The following BEST3 variants were observed in gnomAD, a reference collection of about 807,000 sequenced individuals.
BEST3 encodes the protein bestrophin 3.
In BEST3, 50 loss-of-function variants were observed where a neutral mutation model predicts 47.1. That is an observed-to-expected ratio of 1.06 (90% CI 0.85 to 1.34). BEST3 has a LOEUF of 1.34. BEST3 is among the 40% of genes most tolerant of loss of function. The pLI is 0.00. For missense variants in BEST3, 765 were observed against 817.0 expected, an observed-to-expected ratio of 0.94 and a Z score of 0.78; for synonymous variants, 282 against 298.8, an observed-to-expected ratio of 0.94 and a Z score of 0.58.
chr12:69,649,478 T>G (rs1316567957), downstream of BEST3, among the ~76,000 whole-genome samples: 1 of 152,260 alleles, frequency 6.6e-6, no homozygotes, highest in East Asian at 1.9e-4. Flanking sequence ...AAATGGTAAT[T>G]ACTTCACAGC....
In BEST3 at chr12:69,694,740, T is replaced by C. The variant is rs115612432; in HGVS notation, c.153-276A>G. 4.1e-3 allele frequency among the ~76,000 whole-genome samples: 626 copies of C among 152,306 alleles called. 3 individuals carry two copies. The highest frequency in any genetic ancestry group is 0.014 in the African/African-American group (594 of 41,576). ...TTTATATTTTAAAAGTTTTATATGA[T>C]TGATTCATTGGATTTAGAGCAAGGT... On this transcript the variant is annotated intron_variant, in intron 2 of 9. Transcript: ENST00000330891.
At position 69,655,608 on chromosome 12, in the gene BEST3, G is replaced by C; in HGVS notation, c.1306C>G (p.Leu436Val). 6.2e-7 allele frequency: 1 copy of C among 1,614,038 alleles called. No individual in the cohort carries two copies. The highest frequency in any genetic ancestry group is 8.5e-7 in the Non-Finnish European group (1 of 1,179,994). ...RDDLSPARDLLDVPSRNPPRA... is the reference protein window; with the variant it reads ...RDDLSPARDLVDVPSRNPPRA... ...GGGGGGTTTCTTGAGGGCACATCCA[G>C]TAGGTCCCTGGCTGGGCTGAGGTCA... Residue 436 changes from leucine (L) to valine (V), a missense_variant, in exon 10 of 10, where the codon CTG becomes GTG. Physicochemically the swap from Leu to Val is conservative, Grantham distance 32. Transcript: ENST00000330891.
chr12:69,675,676 G>A (rs1418309460), intron 7 of BEST3, among the ~76,000 whole-genome samples: 1 of 152,220 alleles, frequency 6.6e-6, no homozygotes, highest in East Asian at 1.9e-4. Flanking sequence ...AGTCTCTTCT[G>A]CTTTCTTGCT....
At chr12:69,666,719 A>C (rs973022552) in intron 9 of BEST3, among the ~76,000 whole-genome samples, 3 of 151,970 alleles carry the variant, frequency 2.0e-5, no homozygotes, top group African/African-American at 7.3e-5. Flanking sequence ...CTGTCCCTGG[A>C]CTCACTGCAT....
downstream of BEST3, chr12:69,653,597 C>A: frequency 1.0e-6 from 1 of 973,136 alleles, no homozygotes; most frequent in South Asian, 4.8e-5. Context: ...AGTGTAAGCA[C>A]TCAATAAATG....
chr12:69,690,662 G>A (rs1406599543), intron 4 of BEST3, among the ~76,000 whole-genome samples: 2 of 152,190 alleles, frequency 1.3e-5, no homozygotes, highest in Non-Finnish European at 2.9e-5. Context: ...CAGAACTAGA[G>A]AAATATCACC....
At chr12:69,669,690 A>T (rs1185095724) in intron 9 of BEST3, 1 of 152,220 alleles carries the variant, frequency 6.6e-6, no homozygotes, top group Non-Finnish European at 1.5e-5. Flanking sequence ...TTACAATCTC[A>T]TCTAATCTTC....
intron 2 of BEST3, among the ~76,000 whole-genome samples, chr12:69,695,260 C>T (rs1472779079): frequency 3.3e-5 from 5 of 152,094 alleles, no homozygotes; most frequent in African/African-American, 4.8e-5. Flanking sequence ...TTGAATAAAT[C>T]GACGAGTGTA....
At position 69,699,199 on chromosome 12, in the gene BEST3, A is replaced by G; in HGVS notation, c.-16+6T>C. 2.0e-6 allele frequency: 2 copies of G among 984,210 alleles called. No homozygotes were observed. The highest frequency in any genetic ancestry group is 2.4e-6 in the Non-Finnish European group (2 of 828,770). 61.0% of individuals were successfully genotyped at this position (984,210 alleles called of 1,614,324 possible). On this transcript the variant is annotated splice_donor_region_variant and intron_variant, in intron 1 of 9. Coordinates refer to ENST00000330891, the MANE Select transcript of BEST3 (RefSeq NM_032735.3). ...TAAAATGCATAGGTTTACTCTGGGC[A>G]CTAACCTATTTATTTGGTTTGTAGT... is the stretch of plus-strand genomic sequence containing the variant.
chr12:69,684,023 G>A (rs710716), intron 4 of BEST3: 109,567 of 152,280 alleles, frequency 0.72, 39,467 homozygotes, highest in South Asian at 0.81. Flanking sequence ...TGCTGAGGCT[G>A]TGCTAATTAT....
chr12:69,664,022 G>A lies in BEST3; in HGVS notation c.1100+7406C>T, dbSNP rs1025910585. Among the ~76,000 whole-genome samples, 5 of 151,696 alleles carry A rather than the reference G, an allele frequency of 3.3e-5. No individual in the cohort carries two copies. In the East Asian group the frequency reaches 9.7e-4, roughly 29 times the overall value. On this transcript the variant is annotated intron_variant, in intron 9 of 9. Transcript: ENST00000330891. ...TAAAATGGCAAAGTGTAGATTACTG[G>A]CCATGCAATAATTATCACTATTTAG...
chr12:69,672,906 C>T lies in BEST3; in HGVS notation c.927G>A (p.Trp309Ter). 6.2e-7 allele frequency: 1 copy of T among 1,612,662 alleles called. No homozygotes were observed. Residue 309 changes from tryptophan to a stop codon, truncating the protein, a stop_gained, in exon 8 of 10, where the codon TGG (tryptophan) becomes TGA (stop). Transcript: ENST00000330891. LOFTEE classifies it high-confidence loss of function. ...TAACCTGCAAATTTCTGTCAATGCA[C>T]CAGTTAGTTTCAAAATCATCATCAT... ...GEDDDDFETN[W>*]CIDRNLQVSL...
chr12:69,679,216 A>T (rs528533095), intron 4 of BEST3, among the ~76,000 whole-genome samples: 130 of 152,378 alleles, frequency 8.5e-4, no homozygotes, highest in African/African-American at 3.0e-3. Context: ...TGGTTTAGTC[A>T]TCTAAAGTTG....
chr12:69,679,917 G>C (rs1322001117), intron 4 of BEST3, among the ~76,000 whole-genome samples: 1 of 63,832 alleles, frequency 1.6e-5, no homozygotes, highest in African/African-American at 4.0e-5. Flanking sequence ...ATGCATGCGT[G>C]TGTGTGTGTG....
downstream of BEST3, among the ~76,000 whole-genome samples, chr12:69,652,744 A>T (rs950549859): frequency 6.6e-6 from 1 of 152,224 alleles, no homozygotes; most frequent in Non-Finnish European, 1.5e-5. Context: ...AAAGCAGCTA[A>T]GTAGAAACTT....
Position 69,670,674 on chromosome 12 carries a change from G to A in BEST3, c.1100+754C>T, listed in dbSNP as rs115531157. On this transcript the variant is annotated intron_variant, in intron 9 of 9. Transcript: ENST00000330891. Reference sequence around the variant, plus strand: ...GGACACAAACCCACTGCACAAATCCGCTTACAGCAGGCCTCAGGGAACTAT... The same window carrying A: ...GGACACAAACCCACTGCACAAATCCACTTACAGCAGGCCTCAGGGAACTAT... The A allele has an allele frequency of 1.6e-3, 932 of 601,268 alleles. 4 individuals carry two copies. The highest frequency in any genetic ancestry group is 0.015 in the African/African-American group (809 of 55,734). 37.2% of individuals were successfully genotyped at this position (601,268 alleles called of 1,614,324 possible). A position where few individuals can be genotyped will look rare whatever the true frequency, so the allele number is the denominator to read the frequency against.
chr12:69,694,394 G>T lies in BEST3; in HGVS notation c.223C>A (p.Gln75Lys). 2 of 1,607,114 alleles carry T rather than the reference G, an allele frequency of 1.2e-6. No homozygotes were observed. Among genetic ancestry groups the T allele is most frequent in the Non-Finnish European group, 1.7e-6 (2 of 1,176,720 alleles). The change falls in exon 3 of 10, where the codon CAA becomes AAA. Residue 75 changes from glutamine to lysine, a missense_variant. Transcript: ENST00000330891. ...CCAAGCACAAAGGTTACTGGAATTT[G>T]TTCAGCATATCTGTCACAGTAAATT... is the stretch of plus-strand genomic sequence containing the variant. ...LSIYCDRYAE[Q>K]IPVTFVLGFY...
downstream of BEST3, among the ~76,000 whole-genome samples, chr12:69,651,787 A>G (rs113570472): frequency 1.0e-3 from 27 of 26,578 alleles, no homozygotes; most frequent in South Asian, 4.6e-3. Context: ...AAAAAAAAAG[A>G]AAAAAAAAAA....
chr12:69,686,584 C>G (rs1160429301), intron 4 of BEST3, among the ~76,000 whole-genome samples: 1 of 151,570 alleles, frequency 6.6e-6, no homozygotes, highest in African/African-American at 2.4e-5. Context: ...CCAGCCTGGC[C>G]AATATGGTGA....
Sources: gnomAD v4.1 joint callset for allele counts (sites outside exome capture counted in the v4.1 genomes callset) on GRCh38, gnomAD v4.1.1 for gene constraint, MANE v1.5 for transcripts, NCBI Gene and HGNC (gene_info 2026-07-23, HGNC 2026-07-21) for gene names.